The following NRXN3 variants were observed in gnomAD, a reference collection of about 807,000 sequenced individuals.
NRXN3 encodes the protein neurexin III.
In NRXN3, 32 loss-of-function variants were observed where a neutral mutation model predicts 137.6. That is an observed-to-expected ratio of 0.23 (90% CI 0.18 to 0.31). The LOEUF is 0.31. NRXN3 is among the 10% of genes least tolerant of loss of function. NRXN3 has a pLI of 1.00. For synonymous variants in NRXN3, 798 were observed against 784.5 expected, an observed-to-expected ratio of 1.02 and a Z score of -0.29; for missense variants, 1,574 against 2,062.5, an observed-to-expected ratio of 0.76 and a Z score of 4.59.
chr14:78,278,531 A>G (rs2073942757), intron 2 of NRXN3, 114 bp from the exon 3 acceptor site: 2 of 828,754 alleles, frequency 2.4e-6, no homozygotes. Flanking sequence ...TGAACTTGAT[A>G]GTCATGCAAG....
At chr14:79,429,249 G>C (rs2095706805) in intron 15 of NRXN3, among the ~76,000 whole-genome samples, 1 of 152,066 alleles carries the variant, frequency 6.6e-6, no homozygotes, top group African/African-American at 2.4e-5. Flanking sequence ...CCAGACAAAT[G>C]GGTCCAATCC....
intron 18 of NRXN3, among the ~76,000 whole-genome samples, chr14:79,695,402 A>G (rs748483309): frequency 1.3e-5 from 2 of 152,016 alleles, no homozygotes; most frequent in Non-Finnish European, 2.9e-5. Flanking sequence ...CACAAAATAA[A>G]GAGATGGATA....
intron 8 of NRXN3, among the ~76,000 whole-genome samples, chr14:78,802,479 C>T (rs1212449013): frequency 6.6e-6 from 1 of 152,146 alleles, no homozygotes; most frequent in African/African-American, 2.4e-5. Flanking sequence ...CACATGTATA[C>T]ATATGTAACT....
At chr14:79,845,659 G>C (rs974244668) in intron 20 of NRXN3, among the ~76,000 whole-genome samples, 1 of 114,488 alleles carries the variant, frequency 8.7e-6, no homozygotes, top group African/African-American at 3.9e-5. Flanking sequence ...AGACGGAGAC[G>C]GGGAGAGAGA....
intron 4 of NRXN3, among the ~76,000 whole-genome samples, chr14:78,608,573 T>C (rs2097272348): frequency 6.6e-6 from 1 of 152,182 alleles, no homozygotes; most frequent in Non-Finnish European, 1.5e-5. Context: ...ACCTTCTTAT[T>C]AAGCTCAGTG....
At chr14:79,099,574 G>A (rs2050909987) in intron 15 of NRXN3, among the ~76,000 whole-genome samples, 1 of 152,220 alleles carries the variant, frequency 6.6e-6, no homozygotes, top group African/African-American at 2.4e-5. Flanking sequence ...TTTGTAGGTG[G>A]AGAAAATGCC....
intron 4 of NRXN3, among the ~76,000 whole-genome samples, chr14:78,323,092 A>G (rs2079593082): frequency 6.6e-6 from 1 of 152,102 alleles, no homozygotes; most frequent in African/African-American, 2.4e-5. Context: ...AGTATTTCAC[A>G]GGGTTTAACA....
At chr14:79,185,127 C>A (rs541740428) in intron 15 of NRXN3, among the ~76,000 whole-genome samples, 2 of 152,248 alleles carry the variant, frequency 1.3e-5, no homozygotes, top group Non-Finnish European at 2.9e-5. Context: ...TTTTTTATTT[C>A]TAATAAGCTA....
intron 11 of NRXN3, among the ~76,000 whole-genome samples, chr14:78,959,071 T>A (rs2099402975): frequency 6.6e-6 from 1 of 152,228 alleles, no homozygotes; most frequent in African/African-American, 2.4e-5. Context: ...GGTCTTATAA[T>A]TTAATTTTAT....
At chr14:79,416,370 A>G (rs1279707271) in intron 15 of NRXN3, among the ~76,000 whole-genome samples, 1 of 152,114 alleles carries the variant, frequency 6.6e-6, no homozygotes, top group Non-Finnish European at 1.5e-5. Context: ...CATCCTCACA[A>G]TTGATTTAAA....
At chr14:79,699,827 C>T (rs1321332093) in intron 19 of NRXN3, among the ~76,000 whole-genome samples, 1 of 152,034 alleles carries the variant, frequency 6.6e-6, no homozygotes, top group African/African-American at 2.4e-5. Context: ...CTTTTACTTC[C>T]ACCAAGTCTA....
chr14:78,885,481 ATTAC>A (rs2099141032), intron 10 of NRXN3, among the ~76,000 whole-genome samples: 1 of 152,064 alleles, frequency 6.6e-6, no homozygotes, highest in Admixed American at 6.6e-5. Flanking sequence ...ATACATAATA[ATTAC>A]TTTATTCTCC....
At chr14:79,357,017 T>C (rs1335618282) in intron 15 of NRXN3, among the ~76,000 whole-genome samples, 1 of 152,190 alleles carries the variant, frequency 6.6e-6, no homozygotes, top group Non-Finnish European at 1.5e-5. Context: ...CGTGAGCCAC[T>C]GAGCCCAGCC....
intron 15 of NRXN3, among the ~76,000 whole-genome samples, chr14:79,014,420 G>C (rs142179821): frequency 6.6e-6 from 1 of 152,176 alleles, no homozygotes; most frequent in East Asian, 1.9e-4. Context: ...CATTCATGTT[G>C]CTGCAGACAT....
chr14:78,917,822 G>C (rs1292562484), intron 10 of NRXN3, among the ~76,000 whole-genome samples: 1 of 152,052 alleles, frequency 6.6e-6, no homozygotes, highest in Non-Finnish European at 1.5e-5. Context: ...AGATTTGAGG[G>C]CCTCCACCTG....
rs138209646 is a variant in NRXN3 at position 78,396,918 on chromosome 14, T to C, written c.757+99058T>C. The stretch of plus-strand genomic sequence containing the variant: ...AGGGTGCCGGGTGGTCAAATTCTGG[T>C]TGGGGCTCTCTTTCTGGCTTACAGA... On this transcript the variant is annotated intron_variant, in intron 4 of 20. Coordinates refer to ENST00000335750, the MANE Select transcript of NRXN3 (RefSeq NM_001330195.2). Among the ~76,000 whole-genome samples the C allele has an allele frequency of 9.3e-4, 142 of 152,266 alleles. 3 individuals carry two copies. The East Asian group carries it at 0.023, about 24-fold the overall frequency.
At chr14:78,369,020 A>G (rs934053016) in intron 4 of NRXN3, among the ~76,000 whole-genome samples, 1 of 152,180 alleles carries the variant, frequency 6.6e-6, no homozygotes, top group African/African-American at 2.4e-5. Flanking sequence ...TCACTGAACT[A>G]GGAATCAGAG....
intron 15 of NRXN3, among the ~76,000 whole-genome samples, chr14:79,257,897 T>A (rs1184941155): frequency 1.3e-5 from 2 of 151,858 alleles, no homozygotes; most frequent in East Asian, 1.9e-4. Context: ...ATAAGGAAAA[T>A]GATTCTTATT....
chr14:79,129,398 A>G (rs528426683), intron 15 of NRXN3, among the ~76,000 whole-genome samples: 4 of 151,088 alleles, frequency 2.6e-5, no homozygotes, highest in Admixed American at 6.6e-5. Flanking sequence ...CGTTGGTTTC[A>G]AAGAACATGT....
Sources: gnomAD v4.1 joint callset for allele counts (sites outside exome capture counted in the v4.1 genomes callset) on GRCh38, gnomAD v4.1.1 for gene constraint, MANE v1.5 for transcripts, NCBI Gene and HGNC (gene_info 2026-07-23, HGNC 2026-07-21) for gene names.